KIAA1217: variants seen among roughly 807,000 people sequenced by gnomAD.
KIAA1217 encodes sickle tail protein homolog.
In KIAA1217, 88 loss-of-function variants were observed where a neutral mutation model predicts 163.9. That is an observed-to-expected ratio of 0.54 (90% CI 0.45 to 0.64). The LOEUF is 0.64. KIAA1217 is among the 30% of genes least tolerant of loss of function. The pLI is 0.00. For missense variants in KIAA1217, 2,372 were observed against 2,475.0 expected, an observed-to-expected ratio of 0.96 and a Z score of 0.88; for synonymous variants, 903 against 923.1, an observed-to-expected ratio of 0.98 and a Z score of 0.39.
intron 9 of KIAA1217, among the ~76,000 whole-genome samples, chr10:24,508,638 T>A (rs2068683442): frequency 6.6e-6 from 1 of 152,172 alleles, no homozygotes; most frequent in African/African-American, 2.4e-5. Context: ...TTGAGCAAGA[T>A]CACAAGAATC....
chr10:23,795,027 C>T (rs961972281), intron 1 of KIAA1217, among the ~76,000 whole-genome samples: 1 of 152,200 alleles, frequency 6.6e-6, no homozygotes, highest in African/African-American at 2.4e-5. Flanking sequence ...CCCTCAGCCT[C>T]AGTGCTCCTG....
intron 2 of KIAA1217, among the ~76,000 whole-genome samples, chr10:24,380,245 A>C (rs1206191756): frequency 6.6e-6 from 1 of 152,104 alleles, no homozygotes; most frequent in Non-Finnish European, 1.5e-5. Flanking sequence ...TTGTCGGGCA[A>C]AAGGAATTGT....
intron 2 of KIAA1217, among the ~76,000 whole-genome samples, chr10:24,173,855 C>T (rs1382408013): frequency 6.6e-6 from 1 of 152,198 alleles, no homozygotes; most frequent in South Asian, 2.1e-4. Context: ...AAAAAAGTCA[C>T]GTTGCCTTTT....
intron 2 of KIAA1217, among the ~76,000 whole-genome samples, chr10:24,357,323 A>G (rs932384299): frequency 6.6e-6 from 1 of 152,210 alleles, no homozygotes; most frequent in African/African-American, 2.4e-5. Context: ...CCTATGGAAG[A>G]AAAGGGAGAA....
chr10:24,136,427 A>G (rs1589631089), intron 2 of KIAA1217, among the ~76,000 whole-genome samples: 2 of 151,922 alleles, frequency 1.3e-5, no homozygotes, highest in Non-Finnish European at 2.9e-5. Flanking sequence ...ATTTTCATTA[A>G]GTGAACATTT....
chr10:23,705,292 T>A (rs143645815), intron 1 of KIAA1217, among the ~76,000 whole-genome samples: 2 of 152,272 alleles, frequency 1.3e-5, no homozygotes, highest in East Asian at 3.9e-4. Context: ...TGAAGTACAA[T>A]TATCTGTTTT....
chr10:24,368,289 A>G (rs2051071789), intron 2 of KIAA1217, among the ~76,000 whole-genome samples: 1 of 152,152 alleles, frequency 6.6e-6, no homozygotes, highest in Admixed American at 6.5e-5. Flanking sequence ...CTTCCCTACA[A>G]CTTCACACCC....
rs1017972491 is a variant in KIAA1217, at chr10:24,310,339, A to G, written c.355-70530A>G. 2.0e-5 allele frequency among the ~76,000 whole-genome samples: 3 copies of G among 152,204 alleles called. 1 individual carries two copies. The highest frequency in any genetic ancestry group is 6.3e-3 in the Middle Eastern group (2 of 316). On this transcript the variant is annotated intron_variant, in intron 2 of 20. Transcript: ENST00000376454. ...GTGCTATTATCTGCAGTTTGCAGAGAAGGAAACCGAAGCTGGTGGAGTAAC... is the reference window on the plus strand; with the variant it reads ...GTGCTATTATCTGCAGTTTGCAGAGGAGGAAACCGAAGCTGGTGGAGTAAC...
chr10:23,839,048 C>T (rs1209988118), intron 1 of KIAA1217, among the ~76,000 whole-genome samples: 2 of 151,922 alleles, frequency 1.3e-5, no homozygotes, highest in Non-Finnish European at 2.9e-5. Context: ...AATATTTTCC[C>T]AACATTTTAT....
chr10:23,798,017 G>C (rs1280187437), intron 1 of KIAA1217, among the ~76,000 whole-genome samples: 1 of 152,096 alleles, frequency 6.6e-6, no homozygotes, highest in Non-Finnish European at 1.5e-5. Flanking sequence ...TCTTTTTTTA[G>C]TCACAAGTTC....
chr10:24,306,924 T>A (rs986864264), intron 2 of KIAA1217, among the ~76,000 whole-genome samples: 14 of 152,366 alleles, frequency 9.2e-5, no homozygotes, highest in Middle Eastern at 3.4e-3. Flanking sequence ...ACTTGTCTAT[T>A]GTTCATTCAC....
intron 2 of KIAA1217, among the ~76,000 whole-genome samples, chr10:24,283,097 T>G (rs535931947): frequency 1.3e-5 from 2 of 152,040 alleles, no homozygotes; most frequent in East Asian, 3.9e-4. Flanking sequence ...CCTCCCAAAG[T>G]GCTGGGATTA....
intron 2 of KIAA1217, among the ~76,000 whole-genome samples, chr10:24,174,427 G>A (rs2065773441): frequency 6.6e-6 from 1 of 152,072 alleles, no homozygotes; most frequent in Non-Finnish European, 1.5e-5. Flanking sequence ...CATGCTTGTG[G>A]ACACACACAC....
intron 1 of KIAA1217, among the ~76,000 whole-genome samples, chr10:23,765,974 G>C (rs1207112737): frequency 6.6e-6 from 1 of 152,190 alleles, no homozygotes; most frequent in Non-Finnish European, 1.5e-5. Flanking sequence ...GCGTTACTCA[G>C]TAATTTTAAA....
At chr10:23,854,787 T>TG (rs1839560640) in intron 1 of KIAA1217, among the ~76,000 whole-genome samples, 1 of 152,216 alleles carries the variant, frequency 6.6e-6, no homozygotes, top group South Asian at 2.1e-4. Flanking sequence ...TTTGTCTCTT[T>TG]TGATCTTTGT....
intron 1 of KIAA1217, among the ~76,000 whole-genome samples, chr10:24,214,517 C>A (rs1308013114): frequency 6.6e-6 from 1 of 152,244 alleles, no homozygotes; most frequent in East Asian, 1.9e-4. Context: ...CAAAAGGTGG[C>A]CCACATGGCT....
At chr10:24,516,119 G>A (rs1176227072) in intron 10 of KIAA1217, among the ~76,000 whole-genome samples, 2 of 152,208 alleles carry the variant, frequency 1.3e-5, no homozygotes, top group African/African-American at 4.8e-5. Context: ...ACTCAACTGA[G>A]GTGGCCTTGA....
chr10:24,240,855 C>CT lies in KIAA1217; in HGVS notation c.354+20957dup, dbSNP rs922432005. On this transcript the variant is annotated intron_variant, in intron 2 of 20. Coordinates refer to ENST00000376454, the MANE Select transcript of KIAA1217 (RefSeq NM_019590.5). ...CTAGCAGTCAAGTAAGGCTAGTAGT[C>CT]TTTTTTTTTTTAAAAAAAAAAGACA... is the stretch of plus-strand genomic sequence containing the variant. Among the ~76,000 whole-genome samples, 75 of 146,906 alleles carry CT rather than the reference C, an allele frequency of 5.1e-4. No homozygotes were observed. In the East Asian group the frequency reaches 7.4e-3, roughly 14 times the overall value.
intron 1 of KIAA1217, among the ~76,000 whole-genome samples, chr10:23,721,827 AT>A (rs1438572318): frequency 1.3e-5 from 2 of 152,038 alleles, no homozygotes; most frequent in African/African-American, 4.8e-5. Context: ...TCCTAATAAA[AT>A]ATTTGAAATT....
Sources: gnomAD v4.1 joint callset for allele counts (sites outside exome capture counted in the v4.1 genomes callset) on GRCh38, gnomAD v4.1.1 for gene constraint, MANE v1.5 for transcripts, NCBI Gene and HGNC (gene_info 2026-07-23, HGNC 2026-07-21) for gene names.